SORBS2: variants seen among roughly 807,000 people sequenced by gnomAD.
SORBS2 encodes sorbin and SH3 domain containing 2.
In SORBS2, 46 loss-of-function variants were observed where a neutral mutation model predicts 97.7. That is an observed-to-expected ratio of 0.47 (90% CI 0.37 to 0.60). The LOEUF (loss-of-function observed/expected upper bound fraction) is 0.60. SORBS2 is among the 20% of genes least tolerant of loss of function. The pLI is 0.00. For missense variants in SORBS2, 1,316 were observed against 1,282.3 expected, an observed-to-expected ratio of 1.03 and a Z score of -0.40; for synonymous variants, 476 against 473.4, an observed-to-expected ratio of 1.01 and a Z score of -0.07.
At chr4:185,694,349 G>A (rs2098140130) in intron 2 of SORBS2, among the ~76,000 whole-genome samples, 2 of 152,190 alleles carry the variant, frequency 1.3e-5, no homozygotes. Context: ...TTGAACCAGG[G>A]ACGAGACTAT....
rs190212442 is a variant in SORBS2 at position 185,946,360 on chromosome 4, G to A, written c.-338+9836C>T. ...GGAACAAAAAAATGTGAGTGTGAGC[G>A]AAGGCAATGGTGAGAATAGAAGAAA... On this transcript the variant is annotated intron_variant, in intron 1 of 20. Transcript: ENST00000284776. 2.6e-3 allele frequency among the ~76,000 whole-genome samples: 399 copies of A among 152,288 alleles called. 5 individuals carry two copies. Among genetic ancestry groups the A allele is most frequent in the African/African-American group, 9.2e-3 (381 of 41,562 alleles).
chr4:185,746,884 G>T (rs975378315), intron 2 of SORBS2, among the ~76,000 whole-genome samples: 4 of 152,178 alleles, frequency 2.6e-5, no homozygotes, highest in Non-Finnish European at 5.9e-5. Context: ...CGAAGGACTG[G>T]CCCCCTAGGA....
chr4:185,936,499 T>C lies in SORBS2; in HGVS notation c.-338+19697A>G, dbSNP rs141659507. Among the ~76,000 whole-genome samples the C allele has an allele frequency of 2.0e-3, 306 of 152,326 alleles. 3 individuals carry two copies. Among genetic ancestry groups the C allele is most frequent in the African/African-American group, 7.1e-3 (295 of 41,580 alleles). On this transcript the variant is annotated intron_variant, in intron 1 of 20. Coordinates refer to the SORBS2 transcript ENST00000284776. ...AGGAGAAGGAGGTGGTGGGAAGCTT[T>C]CAAGACAGAGAATTGAATGTTCATA...
chr4:185,715,593 C>T (rs1301657667), intron 2 of SORBS2, among the ~76,000 whole-genome samples: 6 of 152,140 alleles, frequency 3.9e-5, no homozygotes, highest in Non-Finnish European at 1.5e-5. Context: ...TTAAAAGACA[C>T]TCCATTATAT....
At chr4:185,622,989 G>T in exon 7 of SORBS2, 4 of 1,614,038 alleles carry the variant, frequency 2.5e-6, no homozygotes, top group Non-Finnish European at 3.4e-6. Flanking sequence ...GAGGCACTGC[G>T]GGGCATTCTC....
At chr4:185,753,413 G>T (rs535516534) in intron 2 of SORBS2, among the ~76,000 whole-genome samples, 3 of 152,024 alleles carry the variant, frequency 2.0e-5, no homozygotes, top group Non-Finnish European at 2.9e-5. Context: ...TAACTTCCTT[G>T]TTTAACTTAT....
chr4:185,608,786 A>C (rs1483905487), intron 12 of SORBS2, among the ~76,000 whole-genome samples: 1 of 152,168 alleles, frequency 6.6e-6, no homozygotes, highest in African/African-American at 2.4e-5. Flanking sequence ...AGGTCTCTCC[A>C]GGTAGATGTC....
chr4:185,659,989 T>C (rs1322817029), upstream of SORBS2, among the ~76,000 whole-genome samples: 3 of 152,220 alleles, frequency 2.0e-5, no homozygotes, highest in Non-Finnish European at 4.4e-5. Flanking sequence ...CCACTAGCTG[T>C]CATCTTAGCA....
rs1053055748 is a variant in SORBS2 at position 185,651,067 on chromosome 4, G to C, written c.92-1411C>G. On this transcript the variant is annotated intron_variant, in intron 2 of 14. Coordinates refer to ENST00000418609, the Ensembl canonical transcript of SORBS2. ...TGCCAGCCTCCGAGCCTGGTCTAAA[G>C]AAAGAAGAAAAAAAATAGTTGTGCA... Among the ~76,000 whole-genome samples, 17 of 152,202 alleles carry C rather than the reference G, an allele frequency of 1.1e-4. No homozygotes were observed. In the South Asian group the frequency reaches 2.3e-3, roughly 20 times the overall value.
chr4:185,813,437 G>A (rs2099190314), intron 1 of SORBS2, among the ~76,000 whole-genome samples: 1 of 152,190 alleles, frequency 6.6e-6, no homozygotes, highest in Non-Finnish European at 1.5e-5. Flanking sequence ...GGACAAGTGG[G>A]TGGCGCTTTC....
intron 1 of SORBS2, among the ~76,000 whole-genome samples, chr4:185,830,846 G>A (rs957410632): frequency 3.9e-5 from 6 of 152,140 alleles, no homozygotes; most frequent in Non-Finnish European, 4.4e-5. Context: ...GAGGGTGGCT[G>A]GACATTTTTC....
chr4:185,729,736 T>G (rs545321476), intron 2 of SORBS2, among the ~76,000 whole-genome samples: 44 of 152,342 alleles, frequency 2.9e-4, no homozygotes, highest in African/African-American at 1.0e-3. Context: ...AGTTTAGAAT[T>G]ATCATGATCT....
At chr4:185,593,980 C>T (rs1561285141) in intron 12 of SORBS2, 45 bp from the exon 25 acceptor site, 2 of 1,279,054 alleles carry the variant, frequency 1.6e-6, no homozygotes, top group Non-Finnish European at 1.1e-6. Context: ...TAAACTGGTA[C>T]TAATTAAAAG....
At chr4:185,759,684 G>A (rs1377074988) in intron 2 of SORBS2, among the ~76,000 whole-genome samples, 1 of 152,040 alleles carries the variant, frequency 6.6e-6, no homozygotes, top group East Asian at 1.9e-4. Flanking sequence ...TTAAGCTGTG[G>A]TTTTGATGAA....
chr4:185,703,829 T>C (rs764636461), intron 2 of SORBS2, among the ~76,000 whole-genome samples: 5 of 152,232 alleles, frequency 3.3e-5, no homozygotes, highest in Admixed American at 2.0e-4. Context: ...GTGATAATTG[T>C]ATCATTAACT....
At chr4:185,587,101 A>G (rs927467437) in exon 15 of SORBS2, 1 of 154,412 alleles carries the variant, frequency 6.5e-6, no homozygotes, top group Non-Finnish European at 1.4e-5. Flanking sequence ...AACAATAGCT[A>G]AAGTACAGTT....
intron 2 of SORBS2, among the ~76,000 whole-genome samples, chr4:185,717,577 A>T (rs540149265): frequency 6.6e-6 from 1 of 152,338 alleles, no homozygotes; most frequent in East Asian, 1.9e-4. Flanking sequence ...CAGGGCTTAC[A>T]CATATAGGTA....
chr4:185,878,490 C>A (rs1424665840), intron 1 of SORBS2, among the ~76,000 whole-genome samples: 2 of 152,132 alleles, frequency 1.3e-5, no homozygotes, highest in African/African-American at 2.4e-5. Flanking sequence ...GCCCAGGAGC[C>A]GTACCTGGCG....
At chr4:185,652,836 G>A (rs2097336753) in intron 1 of SORBS2, 108 bp from the exon 10 acceptor site, 1 of 827,782 alleles carries the variant, frequency 1.2e-6, no homozygotes, top group Admixed American at 2.0e-5. Flanking sequence ...GTCCCATTCT[G>A]TGATAAAATG....
Sources: allele counts gnomAD v4.1 joint callset (sites outside exome capture counted in the v4.1 genomes callset), GRCh38; gene constraint gnomAD v4.1.1; transcripts MANE v1.5; gene names NCBI Gene and HGNC (gene_info 2026-07-23, HGNC 2026-07-21).